Variants in L2HGDH observed in about 807,000 individuals in gnomAD.
The protein encoded by L2HGDH is L-2-hydroxyglutarate dehydrogenase, mitochondrial.
Under a neutral mutation model 51.5 loss-of-function variants are expected in L2HGDH, and 34 were observed. The observed-to-expected ratio is 0.66, with a 90% confidence interval of 0.50 to 0.88. The LOEUF (loss-of-function observed/expected upper bound fraction) is 0.88, where lower values mean the gene tolerates loss of function less well. Among genes scored for constraint, L2HGDH ranks in the 40% least tolerant of loss-of-function variants. The pLI, the probability that L2HGDH is intolerant of heterozygous loss-of-function variation, is 0.00. For synonymous variants in L2HGDH, 198 were observed against 197.9 expected, an observed-to-expected ratio of 1.00 and a Z score of -0.01; for missense variants, 558 against 571.9, an observed-to-expected ratio of 0.98 and a Z score of 0.25.
intron 1 of L2HGDH, among the ~76,000 whole-genome samples, chr14:50,309,581 G>A (rs1016899354): frequency 6.6e-6 from 1 of 150,430 alleles, no homozygotes; most frequent in African/African-American, 2.5e-5. Context: ...AAAAAATTTA[G>A]ATTCACAGTT....
intron 6 of L2HGDH, among the ~76,000 whole-genome samples, chr14:50,276,559 G>A (rs989289988): frequency 6.6e-5 from 10 of 151,976 alleles, no homozygotes; most frequent in African/African-American, 2.4e-4. Flanking sequence ...GTTAAATGAG[G>A]TCATAAGGGT....
At chr14:50,251,777 A>T (rs1888365780) in intron 9 of L2HGDH, among the ~76,000 whole-genome samples, 1 of 152,116 alleles carries the variant, frequency 6.6e-6, no homozygotes, top group Non-Finnish European at 1.5e-5. Context: ...ATCCAGTGAA[A>T]ATATCCTTCA....
At chr14:50,287,422 A>G (rs1319014841) in intron 4 of L2HGDH, 1 of 516,242 alleles carries the variant, frequency 1.9e-6, no homozygotes, top group East Asian at 1.5e-4. Flanking sequence ...CAAACTCTAC[A>G]ATTAAATTAT....
In L2HGDH at chr14:50,285,054, T is replaced by C. The variant is rs527683106; in HGVS notation, c.541-1021A>G. Among the ~76,000 whole-genome samples, 28 of 152,292 alleles carry C rather than the reference T, an allele frequency of 1.8e-4. No individual in the cohort carries two copies. The East Asian group carries it at 4.4e-3, about 24-fold the overall frequency. On this transcript the variant is annotated intron_variant, in intron 4 of 9. Transcript: ENST00000267436. ...CAAGGTCAGGAGTTCGAGACCAGCCTGGCCAATTATGGTGAAACCTCATCT... is the reference window on the plus strand; with the variant it reads ...CAAGGTCAGGAGTTCGAGACCAGCCCGGCCAATTATGGTGAAACCTCATCT...
chr14:50,306,577 T>G lies in L2HGDH; in HGVS notation c.141-3560A>C, dbSNP rs867857079. On this transcript the variant is annotated intron_variant, in intron 1 of 9. Coordinates refer to ENST00000267436, the MANE Select transcript of L2HGDH (RefSeq NM_024884.3). ...TCATCCTTGCTGCCTTTTGTTTTTT[T>G]TGGGGGGTTTTTTTGTTTTGGGGTT... 8.3e-4 allele frequency among the ~76,000 whole-genome samples: 118 copies of G among 141,486 alleles called. 1 individual carries two copies. Among genetic ancestry groups the G allele is most frequent in the African/African-American group, 3.0e-3 (112 of 37,588 alleles). The allele number at this position is 141,486 out of a possible 152,430, so 92.8% of individuals were successfully genotyped here. A position where few individuals can be genotyped will look rare whatever the true frequency, so the allele number is the denominator to read the frequency against.
chr14:50,266,440 C>T (rs1312385084), intron 8 of L2HGDH, among the ~76,000 whole-genome samples: 2 of 152,054 alleles, frequency 1.3e-5, no homozygotes, highest in Non-Finnish European at 2.9e-5. Context: ...CCCAGGAGTT[C>T]GAGACCAGGC....
rs7143186 is a variant in L2HGDH, at chr14:50,246,961, T to G, written c.*97A>C. 1,463,061 of 1,466,954 alleles carry G rather than the reference T, an allele frequency of 1. 729,595 individuals carry two copies. Among genetic ancestry groups the G allele is most frequent in the Middle Eastern group, 1 (4,062 of 4,062 alleles). The allele number at this position is 1,466,954 out of a possible 1,614,324, so 90.9% of individuals were successfully genotyped here. ...CAGTGGTTATCTTTGACCTAAAAAC[T>G]AAAGTTTAAAAACCATTTTTTAAAT... On this transcript the variant is annotated 3_prime_UTR_variant, in exon 10 of 10. Transcript: ENST00000267436.
chr14:50,242,992 G>A lies in L2HGDH; in HGVS notation c.*4066C>T. ...AAGTAGGCCCTACAAACTCCCGTAG[G>A]CCAGGGCCTGGCAGTATACCCCATT... On this transcript the variant is annotated 3_prime_UTR_variant, in exon 10 of 10. Coordinates refer to ENST00000267436, the MANE Select transcript of L2HGDH (RefSeq NM_024884.3). 7 of 985,412 alleles carry A rather than the reference G, an allele frequency of 7.1e-6. No individual in the cohort carries two copies. Among genetic ancestry groups the A allele is most frequent in the Non-Finnish European group, 8.4e-6 (7 of 829,968 alleles). The allele number at this position is 985,412 out of a possible 1,614,324, so 61.0% of individuals were successfully genotyped here.
Position 50,244,725 on chromosome 14 carries a change from AATCAATGTAATC to A in L2HGDH, c.*2321_*2332del. 1.0e-6 allele frequency: 1 copy of A among 985,454 alleles called. No homozygotes were observed. Among genetic ancestry groups the A allele is most frequent in the Non-Finnish European group, 1.2e-6 (1 of 829,932 alleles). The allele number at this position is 985,454 out of a possible 1,614,324, so 61.0% of individuals were successfully genotyped here. A position where few individuals can be genotyped will look rare whatever the true frequency, so the allele number is the denominator to read the frequency against. On this transcript the variant is annotated 3_prime_UTR_variant, in exon 10 of 10. Transcript: ENST00000267436. ...TTCAAATTAATGGATGAGGTAGCTC[AATCAATGTAATC>A]ATCAATGCTTGAAGTGAGGGGAAAA...
At position 50,267,892 on chromosome 14, in the gene L2HGDH, G is replaced by A. The variant is rs1889436449; in HGVS notation, c.925C>T (p.Pro309Ser). 3 of 1,614,066 alleles carry A rather than the reference G, an allele frequency of 1.9e-6. No homozygotes were observed. The highest frequency in any genetic ancestry group is 1.1e-5 in the South Asian group (1 of 91,086). The change falls in exon 8 of 10, where the codon CCT becomes TCT. Residue 309 changes from proline to serine, a missense_variant. Transcript: ENST00000267436. ...GGTGTGAAGTGAACTCCTAGGAAAG[G>A]AAACCGGCTATCTGGGACCTATAAA... is the stretch of plus-strand genomic sequence containing the variant. ...NIYPVPDSRFPFLGVHFTPRM... is the reference protein window; with the variant it reads ...NIYPVPDSRFSFLGVHFTPRM...
At chr14:50,275,447 T>C (rs1338260434) in intron 6 of L2HGDH, among the ~76,000 whole-genome samples, 1 of 152,254 alleles carries the variant, frequency 6.6e-6, no homozygotes, top group Non-Finnish European at 1.5e-5. Flanking sequence ...TCCCTGCCTA[T>C]AATGCTTCTG....
chr14:50,265,285 C>T lies in L2HGDH; in HGVS notation c.1196+73G>A, dbSNP rs529020131. 5 of 1,319,626 alleles carry T rather than the reference C, an allele frequency of 3.8e-6. No individual in the cohort carries two copies. In the Admixed American group the frequency reaches 8.6e-5, roughly 23 times the overall value. 81.7% of individuals were successfully genotyped at this position (1,319,626 alleles called of 1,614,324 possible). Reference sequence around the variant, plus strand: ...TGACTCTGAAATGGTACTTACTAATCACCAAGTCAGACCCACCTCTCAAGT... The same window carrying T: ...TGACTCTGAAATGGTACTTACTAATTACCAAGTCAGACCCACCTCTCAAGT... On this transcript the variant is annotated intron_variant, in intron 9 of 9. Coordinates refer to ENST00000267436, the MANE Select transcript of L2HGDH (RefSeq NM_024884.3).
chr14:50,269,071 C>G, intron 7 of L2HGDH, 92 bp downstream of exon 7: 2 of 1,154,206 alleles, frequency 1.7e-6, no homozygotes, highest in Non-Finnish European at 2.6e-6. Flanking sequence ...CAAAATTTCT[C>G]TTATTTCTGA....
At chr14:50,264,995 T>A (rs997616291) in intron 9 of L2HGDH, among the ~76,000 whole-genome samples, 4 of 152,224 alleles carry the variant, frequency 2.6e-5, no homozygotes, top group African/African-American at 9.7e-5. Context: ...GGCTTTGGAA[T>A]CACAAGACTA....
At chr14:50,268,696 A>G (rs993711150) in intron 7 of L2HGDH, among the ~76,000 whole-genome samples, 1 of 152,200 alleles carries the variant, frequency 6.6e-6, no homozygotes, top group African/African-American at 2.4e-5. Context: ...AATATATTTT[A>G]AGAGATTCAT....
At chr14:50,269,449 A>T in intron 6 of L2HGDH, 119 bp from the exon 7 acceptor site, 1 of 969,812 alleles carries the variant, frequency 1.0e-6, no homozygotes, top group Non-Finnish European at 1.6e-6. Flanking sequence ...CTAAAAGAGG[A>T]TATTCAATAC....
At chr14:50,299,982 G>A (rs1032939849) in intron 3 of L2HGDH, 6 of 152,164 alleles carry the variant, frequency 3.9e-5, no homozygotes, top group African/African-American at 1.2e-4. Context: ...TAAATACTGC[G>A]TGATCTCATT....
intron 9 of L2HGDH, among the ~76,000 whole-genome samples, chr14:50,250,151 C>A (rs1888262584): frequency 1.3e-5 from 2 of 152,224 alleles, no homozygotes. Flanking sequence ...ATCCACCCGT[C>A]TTGGCCTTCC....
chr14:50,284,081 C>T (rs1414446405), intron 4 of L2HGDH, 48 bp from the exon 5 acceptor site: 2 of 1,554,030 alleles, frequency 1.3e-6, no homozygotes, highest in Non-Finnish European at 1.8e-6. Context: ...ATAATACTTG[C>T]TAAATAACAA....
Sources: gnomAD v4.1 joint callset for allele counts (sites outside exome capture counted in the v4.1 genomes callset) on GRCh38, gnomAD v4.1.1 for gene constraint, MANE v1.5 for transcripts, NCBI Gene and HGNC (gene_info 2026-07-23, HGNC 2026-07-21) for gene names.